The following DGKD variants were observed in gnomAD, a reference collection of about 807,000 sequenced individuals.
DGKD encodes the protein diacylglycerol kinase delta.
DGKD carries 68 observed loss-of-function variants against 154.4 expected under a neutral mutation model. The observed-to-expected ratio is 0.44, with a 90% CI of 0.36 to 0.54. The LOEUF (loss-of-function observed/expected upper bound fraction) is 0.54. Among genes scored for constraint, DGKD ranks in the 20% least tolerant of loss-of-function variants. DGKD has a pLI of 0.00. For synonymous variants in DGKD, 693 were observed against 638.0 expected, an observed-to-expected ratio of 1.09 and a Z score of -1.30; for missense variants, 1,343 against 1,593.6, an observed-to-expected ratio of 0.84 and a Z score of 2.68.
Position 233,354,680 on chromosome 2 carries a change from C to A in DGKD, c.156+6C>A, listed in dbSNP as rs898630504. On this transcript the variant is annotated splice_donor_region_variant and intron_variant, in intron 1 of 29. Coordinates refer to ENST00000264057, the MANE Select transcript of DGKD (RefSeq NM_152879.3). This position sits in a 1 kb window ranked among gnomAD's most constrained non-coding sequence, Gnocchi z 4.8. ...CGGGTCAGATCCGACAGAAGGTGAGCCCGCGGCGCGGCGGCCCGGGCGCGC... is the reference window on the plus strand; with the variant it reads ...CGGGTCAGATCCGACAGAAGGTGAGACCGCGGCGCGGCGGCCCGGGCGCGC... The A allele has an allele frequency of 6.0e-6, 6 of 1,002,574 alleles. No individual in the cohort carries two copies. Among genetic ancestry groups the A allele is most frequent in the African/African-American group, 5.3e-5 (3 of 56,766 alleles). The allele number at this position is 1,002,574 out of a possible 1,614,324, so 62.1% of individuals were successfully genotyped here. A position where few individuals can be genotyped will look rare whatever the true frequency, so the allele number is the denominator to read the frequency against.
At chr2:233,398,544 CAT>C (rs2061480261) in intron 3 of DGKD, among the ~76,000 whole-genome samples, 1 of 152,166 alleles carries the variant, frequency 6.6e-6, no homozygotes, top group Admixed American at 6.5e-5. Context: ...TGGGTTTTCA[CAT>C]GTTTTCATTG....
In DGKD at chr2:233,456,099, T is replaced by G. The variant is rs543586660; in HGVS notation, c.2376-800T>G. On this transcript the variant is annotated intron_variant, in intron 19 of 29. Coordinates refer to ENST00000264057, the MANE Select transcript of DGKD (RefSeq NM_152879.3). ...GGTCAAACCTCTCTTGAGTTTGTAT[T>G]GAGAGCTTTGAAAAGTTCTCCTGAG... Among the ~76,000 whole-genome samples the G allele has an allele frequency of 3.3e-5, 5 of 152,376 alleles. No homozygotes were observed. The East Asian group carries it at 9.6e-4, about 29-fold the overall frequency.
At chr2:233,370,647 C>T (rs1220614857) in intron 1 of DGKD, among the ~76,000 whole-genome samples, 8 of 144,542 alleles carry the variant, frequency 5.5e-5, no homozygotes, top group Admixed American at 1.4e-4. Context: ...GCTCATTCAT[C>T]GGTTGACAGA....
At position 233,371,820 on chromosome 2, in the gene DGKD, C is replaced by T. The variant is rs890832779; in HGVS notation, c.157-16437C>T. Among the ~76,000 whole-genome samples the T allele has an allele frequency of 3.9e-5, 6 of 152,310 alleles. No homozygotes were observed. In the South Asian group the frequency reaches 1.0e-3, roughly 26 times the overall value. On this transcript the variant is annotated intron_variant, in intron 1 of 29. Transcript: ENST00000264057. ...CTCCAGTTGGAGTCTGCCTCCCCAGCTGTGCAGACAGCCCTGCAGTATTGA... is the reference window on the plus strand; with the variant it reads ...CTCCAGTTGGAGTCTGCCTCCCCAGTTGTGCAGACAGCCCTGCAGTATTGA...
At chr2:233,397,612 AG>A (rs1199759513) in intron 3 of DGKD, among the ~76,000 whole-genome samples, 31 of 151,890 alleles carry the variant, frequency 2.0e-4, no homozygotes, top group African/African-American at 7.0e-4. Context: ...AGGACTCCAG[AG>A]GGGACCAGGG....
intron 3 of DGKD, among the ~76,000 whole-genome samples, chr2:233,393,723 G>A (rs539578166): frequency 7.0e-6 from 1 of 142,678 alleles, no homozygotes; most frequent in South Asian, 2.3e-4. Context: ...TTGCTCCGTT[G>A]CCCAGGGGGG....
intron 18 of DGKD, 59 bp from the exon 19 acceptor site, chr2:233,454,704 G>GT (rs1337155092): frequency 3.9e-6 from 4 of 1,013,858 alleles, no homozygotes; most frequent in Non-Finnish European, 6.1e-6. Flanking sequence ...GAGGTTGGGA[G>GT]TCTGAAATAA....
intron 3 of DGKD, among the ~76,000 whole-genome samples, chr2:233,391,399 C>T (rs775289737): frequency 7.6e-5 from 11 of 145,624 alleles, no homozygotes; most frequent in Non-Finnish European, 1.5e-4. Flanking sequence ...TTGGTTTACA[C>T]CTGTGTTTTT....
intron 3 of DGKD, among the ~76,000 whole-genome samples, chr2:233,417,683 A>T (rs551226438): frequency 1.3e-5 from 2 of 152,292 alleles, no homozygotes; most frequent in African/African-American, 4.8e-5. Flanking sequence ...AACAAACAAA[A>T]ACCACTCAAA....
chr2:233,450,204 G>A (rs939401229), intron 16 of DGKD, 73 bp downstream of exon 16: 28 of 1,485,312 alleles, frequency 1.9e-5, no homozygotes, highest in Middle Eastern at 3.8e-4. Context: ...GGCTTGCCAG[G>A]GGAGGTTTTA....
chr2:233,357,636 A>T (rs1701590739), intron 1 of DGKD, among the ~76,000 whole-genome samples: 1 of 149,592 alleles, frequency 6.7e-6, no homozygotes, highest in South Asian at 2.1e-4. Flanking sequence ...TCCTGGGCTT[A>T]AGTGATTTTC....
At chr2:233,421,557 A>G (rs1023396402) in intron 3 of DGKD, among the ~76,000 whole-genome samples, 9 of 152,324 alleles carry the variant, frequency 5.9e-5, no homozygotes, top group South Asian at 2.1e-4. Flanking sequence ...TGATGCTTGC[A>G]GGTTGGCCCC....
In DGKD at chr2:233,457,945, C is replaced by T; in HGVS notation, c.2581-339C>T. ...GAATAGAAGTATTCAGCGCTTCCTG[C>T]ACACGTGGTGTGTGCTGGCCCCAGT... On this transcript the variant is annotated intron_variant, in intron 21 of 29. Coordinates refer to ENST00000264057, the MANE Select transcript of DGKD (RefSeq NM_152879.3). This position sits in a 1 kb window ranked among gnomAD's most constrained non-coding sequence, Gnocchi z 5.5. 2.8e-6 allele frequency: 1 copy of T among 352,694 alleles called. No individual in the cohort carries two copies. Among genetic ancestry groups the T allele is most frequent in the South Asian group, 3.4e-5 (1 of 29,388 alleles). The allele number at this position is 352,694 out of a possible 1,614,324, so 21.8% of individuals were successfully genotyped here.
At chr2:233,463,670 CCTCA>C (rs2063738455) in intron 26 of DGKD, 2 of 188,268 alleles carry the variant, frequency 1.1e-5, no homozygotes, top group African/African-American at 5.0e-5. Context: ...GCACGCATCT[CCTCA>C]CTCCACGCAT....
At chr2:233,386,049 T>G (rs1464836433) in intron 1 of DGKD, 1 of 464,082 alleles carries the variant, frequency 2.2e-6, no homozygotes, top group African/African-American at 2.0e-5. Flanking sequence ...TTAATTTTGC[T>G]TTTCTTTTAT....
At chr2:233,386,610 G>A (rs1215456988) in intron 1 of DGKD, among the ~76,000 whole-genome samples, 2 of 152,124 alleles carry the variant, frequency 1.3e-5, no homozygotes, top group Admixed American at 6.5e-5. Context: ...ATGCTTGATC[G>A]TTGGATAATG....
At chr2:233,432,633 T>C (rs1302261829) in intron 3 of DGKD, among the ~76,000 whole-genome samples, 1 of 152,162 alleles carries the variant, frequency 6.6e-6, no homozygotes, top group African/African-American at 2.4e-5. Flanking sequence ...CACACCAGCC[T>C]GGGGGACAGA....
chr2:233,436,769 C>T (rs1007071853), intron 7 of DGKD, among the ~76,000 whole-genome samples: 17 of 152,252 alleles, frequency 1.1e-4, no homozygotes, highest in African/African-American at 4.1e-4. Flanking sequence ...GGTGTGGAAG[C>T]AGGAAAGCTG....
chr2:233,456,693 T>G (rs1460989207), intron 19 of DGKD, among the ~76,000 whole-genome samples: 2 of 152,234 alleles, frequency 1.3e-5, no homozygotes, highest in Non-Finnish European at 2.9e-5. Context: ...ATGTTACTAT[T>G]GAGCAAAATT....
Sources: gnomAD v4.1 joint callset for allele counts (sites outside exome capture counted in the v4.1 genomes callset) on GRCh38, gnomAD v4.1.1 for gene constraint, Gnocchi (gnomAD v3.1) non-coding constraint, MANE v1.5 for transcripts, NCBI Gene and HGNC (gene_info 2026-07-23, HGNC 2026-07-21) for gene names.